The following MYO3B variants were observed in gnomAD, a reference collection of about 807,000 sequenced individuals.
MYO3B encodes myosin IIIB, also known as myosin-IIIb.
MYO3B carries 156 observed loss-of-function variants against 174.6 expected under a neutral mutation model. The ratio of observed to expected loss-of-function variants is 0.89; its 90% CI spans 0.78 to 1.02. MYO3B has a LOEUF of 1.02. Ranked by LOEUF, MYO3B falls within the 50% of genes least tolerant of loss-of-function variation. The pLI, the probability that MYO3B is intolerant of heterozygous loss-of-function variation, is 0.00. For missense variants in MYO3B, 1,632 were observed against 1,639.4 expected (o/e 1.00, Z 0.08); for synonymous variants, 563 against 569.1 (o/e 0.99, Z 0.15).
intron 11 of MYO3B, among the ~76,000 whole-genome samples, chr2:170,383,482 A>G (rs1309813605): frequency 6.6e-6 from 1 of 152,216 alleles, no homozygotes; most frequent in Non-Finnish European, 1.5e-5. Context: ...CCTAGTTGGC[A>G]GACAGGGAGA....
chr2:170,313,509 C>T (rs894810765), intron 7 of MYO3B, among the ~76,000 whole-genome samples: 3 of 152,194 alleles, frequency 2.0e-5, no homozygotes, highest in Non-Finnish European at 4.4e-5. Flanking sequence ...TCTTGCTGCT[C>T]TCTGATCCAG....
intron 30 of MYO3B, among the ~76,000 whole-genome samples, chr2:170,537,531 G>A (rs1460263030): frequency 3.2e-5 from 4 of 123,700 alleles, no homozygotes; most frequent in Admixed American, 1.0e-4. Flanking sequence ...CTGCAGCCTC[G>A]ACCTCCCTGG....
intron 7 of MYO3B, among the ~76,000 whole-genome samples, chr2:170,274,089 C>T (rs183815318): frequency 2.4e-4 from 35 of 147,722 alleles, no homozygotes; most frequent in South Asian, 1.1e-3. Flanking sequence ...AAGCAAACTA[C>T]GAGAGAGAGA....
chr2:170,401,798 T>TTTTA, intron 18 of MYO3B, 107 bp downstream of exon 18: 121 of 1,012,652 alleles, frequency 1.2e-4, no homozygotes, highest in Non-Finnish European at 1.5e-4. Context: ...TTTTCTTTCT[T>TTTTA]TTTCTTTTTT....
At chr2:170,494,587 G>A (rs531462117) in intron 25 of MYO3B, among the ~76,000 whole-genome samples, 5 of 152,000 alleles carry the variant, frequency 3.3e-5, no homozygotes, top group African/African-American at 1.2e-4. Context: ...GGTTAGCCAG[G>A]TATGGTGGTA....
At chr2:170,432,820 C>T (rs112667329) in intron 22 of MYO3B, among the ~76,000 whole-genome samples, 21,123 of 152,042 alleles carry the variant, frequency 0.14, 1,669 homozygotes, top group African/African-American at 0.23. Context: ...TGTGATCCAC[C>T]TGCCTCGGCC....
At chr2:170,481,482 G>A (rs1685685942) in intron 25 of MYO3B, among the ~76,000 whole-genome samples, 1 of 152,192 alleles carries the variant, frequency 6.6e-6, no homozygotes, top group African/African-American at 2.4e-5. Flanking sequence ...TAGCTGAGGT[G>A]AGAGGATCGC....
intron 16 of MYO3B, among the ~76,000 whole-genome samples, chr2:170,395,962 T>C (rs1422460473): frequency 6.6e-6 from 1 of 152,168 alleles, no homozygotes; most frequent in African/African-American, 2.4e-5. Context: ...AAGAAGTGTC[T>C]TATGAGAAAA....
intron 7 of MYO3B, among the ~76,000 whole-genome samples, chr2:170,299,511 C>T (rs2093651683): frequency 6.6e-6 from 1 of 152,078 alleles, no homozygotes; most frequent in South Asian, 2.1e-4. Context: ...TGAATACTTG[C>T]TATAAGCCAG....
intron 32 of MYO3B, among the ~76,000 whole-genome samples, chr2:170,594,514 T>C (rs186536738): frequency 1.6e-3 from 247 of 152,274 alleles, no homozygotes; most frequent in African/African-American, 5.6e-3. Flanking sequence ...TTTCTGTCAT[T>C]TGCAGCTAAC....
At chr2:170,190,230 T>C (rs1199439388) in intron 1 of MYO3B, among the ~76,000 whole-genome samples, 2 of 152,306 alleles carry the variant, frequency 1.3e-5, no homozygotes, top group East Asian at 3.9e-4. Flanking sequence ...CTGAGCTGCC[T>C]AGAACTGGGA....
At chr2:170,205,193 C>T (rs999578630) in intron 3 of MYO3B, among the ~76,000 whole-genome samples, 2 of 152,148 alleles carry the variant, frequency 1.3e-5, no homozygotes, top group Non-Finnish European at 2.9e-5. Context: ...TTTGATCCTG[C>T]TGACAAATAG....
chr2:170,492,934 G>A (rs1313235271), intron 25 of MYO3B, among the ~76,000 whole-genome samples: 1 of 152,204 alleles, frequency 6.6e-6, no homozygotes, highest in African/African-American at 2.4e-5. Context: ...CAAAGTCTCT[G>A]TTTCTCTACT....
At chr2:170,485,538 A>T (rs1028869120) in intron 25 of MYO3B, among the ~76,000 whole-genome samples, 13 of 152,102 alleles carry the variant, frequency 8.5e-5, no homozygotes, top group African/African-American at 3.1e-4. Flanking sequence ...TACATGTTAG[A>T]GATAAAACCA....
chr2:170,207,934 C>T (rs548144363), intron 3 of MYO3B, among the ~76,000 whole-genome samples: 132 of 152,220 alleles, frequency 8.7e-4, no homozygotes, highest in African/African-American at 2.4e-3. Context: ...GGAGTCAAAG[C>T]GGCTTTCACC....
At chr2:170,479,859 G>A (rs1685569911) in intron 25 of MYO3B, among the ~76,000 whole-genome samples, 1 of 148,094 alleles carries the variant, frequency 6.8e-6, no homozygotes, top group Admixed American at 6.8e-5. Flanking sequence ...ATATATAGGT[G>A]TATATGTGTG....
chr2:170,392,384 C>A lies in MYO3B; in HGVS notation c.1680C>A (p.Tyr560Ter). 6.3e-7 allele frequency: 1 copy of A among 1,595,046 alleles called. No individual in the cohort carries two copies. ...GGTCATGCTCCACTTCATTTAGGTA[C>A]ATAGCTGATGAAACTGGAAGGGTGA... ...FRLPEEKPPR[Y>*]IADETGRVMH... Residue 560 changes from tyrosine to a stop codon, truncating the protein, a stop_gained, in exon 16 of 35, where the codon TAC becomes TAA. Coordinates refer to ENST00000408978, the MANE Select transcript of MYO3B (RefSeq NM_138995.5). LOFTEE classifies it high-confidence loss of function.
At chr2:170,565,650 G>A (rs1295903542) in intron 32 of MYO3B, among the ~76,000 whole-genome samples, 1 of 152,168 alleles carries the variant, frequency 6.6e-6, no homozygotes, top group East Asian at 1.9e-4. Context: ...CTAGAACAGT[G>A]GGGGACTATA....
chr2:170,286,475 C>G (rs972483697), intron 7 of MYO3B, among the ~76,000 whole-genome samples: 5 of 152,094 alleles, frequency 3.3e-5, no homozygotes, highest in African/African-American at 1.2e-4. Context: ...TAGAGGCTTT[C>G]CTGGATTATA....
Sources: gnomAD v4.1 joint callset for allele counts (sites outside exome capture counted in the v4.1 genomes callset) on GRCh38, gnomAD v4.1.1 for gene constraint, MANE v1.5 for transcripts, NCBI Gene and HGNC (gene_info 2026-07-23, HGNC 2026-07-21) for gene names.